LMNTD1: variants seen among roughly 807,000 people sequenced by gnomAD.
LMNTD1 encodes the protein lamin tail domain containing 1.
In LMNTD1, 35 loss-of-function variants were observed where a neutral mutation model predicts 50.9. The observed-to-expected ratio is 0.69, with a 90% CI of 0.53 to 0.91. LMNTD1 has a LOEUF of 0.91. LMNTD1 is among the 40% of genes least tolerant of loss of function. The pLI is 0.00. For synonymous variants in LMNTD1, 153 were observed against 161.9 expected (o/e 0.94, Z 0.42); for missense variants, 470 against 475.5 (o/e 0.99, Z 0.11).
At chr12:25,477,826 A>G (rs1938319764) in intron 9 of LMNTD1, among the ~76,000 whole-genome samples, 8 of 152,066 alleles carry the variant, frequency 5.3e-5, no homozygotes, top group Admixed American at 5.2e-4. Context: ...GACTCTTATT[A>G]TTATTAAAAC....
chr12:25,518,939 G>C lies in LMNTD1; in HGVS notation c.1045C>G (p.Pro349Ala). ...REKEIPPTVF[P>A]NRSPWCQNPY... ...TTCTGGCACCAAGGGCTGCGATTAG[G>C]GAAAACGGTTGGTGGGATTTCCTTC... The change falls in exon 8 of 10, where the codon CCT (proline) becomes GCT (alanine). Residue 349 changes from proline to alanine, a missense_variant. By Grantham distance (27) the Pro-to-Ala change is conservative. Transcript: ENST00000458174. 6.2e-7 allele frequency: 1 copy of C among 1,614,086 alleles called. No individual in the cohort carries two copies.
At chr12:25,519,092 G>T in intron 7 of LMNTD1, 125 bp from the exon 8 acceptor site, 1 of 840,752 alleles carries the variant, frequency 1.2e-6, no homozygotes, top group Non-Finnish European at 1.8e-6. Context: ...TAAACTTTGT[G>T]GGCAGAACTT....
chr12:25,595,420 A>G (rs1190660840), intron 1 of LMNTD1, among the ~76,000 whole-genome samples: 1 of 152,174 alleles, frequency 6.6e-6, no homozygotes, highest in African/African-American at 2.4e-5. Flanking sequence ...ATCAACTCCA[A>G]ATGGAACCTT....
intron 1 of LMNTD1, among the ~76,000 whole-genome samples, chr12:25,586,635 T>G (rs1350359520): frequency 6.6e-6 from 1 of 152,180 alleles, no homozygotes; most frequent in Non-Finnish European, 1.5e-5. Context: ...CAGTTTGCCC[T>G]CATTTGCTTT....
intron 1 of LMNTD1, among the ~76,000 whole-genome samples, chr12:25,585,581 A>T (rs1436262557): frequency 6.6e-6 from 1 of 152,202 alleles, no homozygotes; most frequent in East Asian, 1.9e-4. Context: ...TTTTAAAGTA[A>T]TTTTGAAATG....
chr12:25,607,191 T>G (rs1481046096), intron 1 of LMNTD1, among the ~76,000 whole-genome samples: 1 of 150,984 alleles, frequency 6.6e-6, no homozygotes, highest in Non-Finnish European at 1.5e-5. Context: ...CTCTTTATCG[T>G]TTTTTATTGC....
At chr12:25,583,712 A>C (rs1202053951) in intron 1 of LMNTD1, among the ~76,000 whole-genome samples, 2 of 152,158 alleles carry the variant, frequency 1.3e-5, no homozygotes, top group African/African-American at 2.4e-5. Flanking sequence ...CAAAGAGCCT[A>C]GTAAGGCTGG....
At chr12:25,574,959 T>TA (rs1325731337) in intron 1 of LMNTD1, among the ~76,000 whole-genome samples, 1 of 152,192 alleles carries the variant, frequency 6.6e-6, no homozygotes, top group Non-Finnish European at 1.5e-5. Context: ...GGAGGGTGAT[T>TA]ACCTGGCTCT....
chr12:25,525,876 T>C (rs1344943402), intron 6 of LMNTD1, among the ~76,000 whole-genome samples: 1 of 152,104 alleles, frequency 6.6e-6, no homozygotes, highest in Non-Finnish European at 1.5e-5. Flanking sequence ...TGGTTATCCA[T>C]GTAACCAAAC....
chr12:25,608,396 G>T (rs920381294), intron 1 of LMNTD1, among the ~76,000 whole-genome samples: 8 of 152,142 alleles, frequency 5.3e-5, no homozygotes, highest in African/African-American at 1.9e-4. Context: ...TGGTTATTTT[G>T]CCGGTTACTT....
rs1424422008 is a variant in LMNTD1 at position 25,497,088 on chromosome 12, T to TA, written c.*22+6649dup. ...TTTCATTGTATTATACACCAGATTT[T>TA]AAAAAACCCATTCATCTGTCGATGA... On this transcript the variant is annotated intron_variant, in intron 9 of 9. Coordinates refer to ENST00000458174, the MANE Select transcript of LMNTD1 (RefSeq NM_001145728.2). 2.0e-5 allele frequency among the ~76,000 whole-genome samples: 3 copies of TA among 152,188 alleles called. No homozygotes were observed. In the East Asian group the frequency reaches 5.8e-4, roughly 29 times the overall value.
chr12:25,603,303 T>C (rs547705204), intron 1 of LMNTD1, among the ~76,000 whole-genome samples: 2 of 152,160 alleles, frequency 1.3e-5, no homozygotes, highest in East Asian at 3.9e-4. Flanking sequence ...TCTACCTTTT[T>C]TAAAAGATGG....
intron 9 of LMNTD1, among the ~76,000 whole-genome samples, chr12:25,493,289 T>C (rs1938948099): frequency 6.6e-6 from 1 of 152,076 alleles, no homozygotes; most frequent in Non-Finnish European, 1.5e-5. Flanking sequence ...CAGGGAAAAA[T>C]AAGCTTGAAA....
intron 6 of LMNTD1, 74 bp from the exon 7 acceptor site, chr12:25,520,149 T>G (rs397790106): frequency 3.5e-5 from 6 of 170,696 alleles, no homozygotes; most frequent in Non-Finnish European, 6.5e-5. Context: ...GATATACATA[T>G]ATATATATAT....
chr12:25,483,285 G>A (rs186555184), intron 9 of LMNTD1, among the ~76,000 whole-genome samples: 14 of 151,762 alleles, frequency 9.2e-5, no homozygotes, highest in East Asian at 5.8e-4. Flanking sequence ...TTAGCCAGGC[G>A]TGGTTGTGCG....
intron 1 of LMNTD1, among the ~76,000 whole-genome samples, chr12:25,635,008 AG>A (rs1204110965): frequency 6.6e-6 from 1 of 152,128 alleles, no homozygotes; most frequent in Non-Finnish European, 1.5e-5. Flanking sequence ...TGGGAGGCCG[AG>A]GCCGTGGCTC....
intron 1 of LMNTD1, among the ~76,000 whole-genome samples, chr12:25,584,696 G>T (rs1945447450): frequency 6.6e-6 from 1 of 152,170 alleles, no homozygotes; most frequent in Admixed American, 6.5e-5. Flanking sequence ...AACTAACAGG[G>T]TTAAAACTTA....
chr12:25,619,248 CT>C (rs1946416234), intron 1 of LMNTD1, among the ~76,000 whole-genome samples: 1 of 78,528 alleles, frequency 1.3e-5, no homozygotes, highest in African/African-American at 5.1e-5. Context: ...CTCTCTCTCT[CT>C]CTCTATATAT....
chr12:25,633,292 CA>C (rs1946760153), intron 1 of LMNTD1, among the ~76,000 whole-genome samples: 1 of 151,980 alleles, frequency 6.6e-6, no homozygotes, highest in Non-Finnish European at 1.5e-5. Flanking sequence ...AACAAAGAAA[CA>C]ATGGATTTAA....
Sources: allele counts gnomAD v4.1 joint callset (sites outside exome capture counted in the v4.1 genomes callset), GRCh38; gene constraint gnomAD v4.1.1; transcripts MANE v1.5; gene names NCBI Gene and HGNC (gene_info 2026-07-23, HGNC 2026-07-21).